KIAA1217: variants seen among roughly 807,000 people sequenced by gnomAD.
KIAA1217 encodes KIAA1217.
In KIAA1217, 88 loss-of-function variants were observed where a neutral mutation model predicts 163.9. The ratio of observed to expected loss-of-function variants is 0.54; its 90% CI spans 0.45 to 0.64. The LOEUF (loss-of-function observed/expected upper bound fraction) is 0.64. KIAA1217 is among the 30% of genes least tolerant of loss of function. The probability of loss-of-function intolerance (pLI) is 0.00; values close to 1 mark genes in which losing one functional copy is unlikely to be tolerated. For synonymous variants in KIAA1217, 903 were observed against 923.1 expected (o/e 0.98, Z 0.39); for missense variants, 2,372 against 2,475.0 (o/e 0.96, Z 0.88).
intron 2 of KIAA1217, among the ~76,000 whole-genome samples, chr10:24,317,918 A>G (rs1241069592): frequency 6.6e-6 from 1 of 152,250 alleles, no homozygotes; most frequent in Non-Finnish European, 1.5e-5. Flanking sequence ...GGTTTTATGC[A>G]TCAACGTGCG....
At chr10:24,085,593 A>G (rs889460843) in intron 2 of KIAA1217, among the ~76,000 whole-genome samples, 2 of 152,046 alleles carry the variant, frequency 1.3e-5, no homozygotes, top group Non-Finnish European at 2.9e-5. Context: ...TAGCCTGGAA[A>G]GTCTCTAGCA....
chr10:23,728,902 T>A (rs1398267840), intron 1 of KIAA1217, among the ~76,000 whole-genome samples: 6 of 152,230 alleles, frequency 3.9e-5, no homozygotes, highest in African/African-American at 1.4e-4. Flanking sequence ...CCATTTGTGG[T>A]ACCACACAGA....
chr10:24,176,723 A>G (rs2082924308), intron 2 of KIAA1217, among the ~76,000 whole-genome samples: 1 of 152,228 alleles, frequency 6.6e-6, no homozygotes, highest in Non-Finnish European at 1.5e-5. Flanking sequence ...TGTGCCGTGC[A>G]CCCACACTCC....
At chr10:24,197,204 G>A (rs11013951) in intron 2 of KIAA1217, among the ~76,000 whole-genome samples, 9,492 of 152,100 alleles carry the variant, frequency 0.062, 407 homozygotes, top group Middle Eastern at 0.088. Flanking sequence ...ATATATACAC[G>A]GTTTCAGCAT....
chr10:24,519,291 G>A (rs572122300), intron 10 of KIAA1217, among the ~76,000 whole-genome samples: 1 of 152,160 alleles, frequency 6.6e-6, no homozygotes, highest in East Asian at 1.9e-4. Flanking sequence ...TGTGGCCAAG[G>A]AGGTGGTTGT....
intron 1 of KIAA1217, among the ~76,000 whole-genome samples, chr10:23,952,522 G>A (rs1844385403): frequency 6.6e-6 from 1 of 152,116 alleles, no homozygotes; most frequent in South Asian, 2.1e-4. Context: ...ATGCTCAAGG[G>A]TTTTTCTATC....
At chr10:24,402,911 A>G (rs1257522451) in intron 3 of KIAA1217, among the ~76,000 whole-genome samples, 1 of 152,220 alleles carries the variant, frequency 6.6e-6, no homozygotes, top group East Asian at 1.9e-4. Context: ...TGGGAGGATC[A>G]CTTGAGGTCA....
chr10:24,381,611 C>T (rs866253490), intron 3 of KIAA1217, among the ~76,000 whole-genome samples: 1 of 152,188 alleles, frequency 6.6e-6, no homozygotes, highest in Non-Finnish European at 1.5e-5. Flanking sequence ...AGTTTCATTC[C>T]GAAACCATCT....
At chr10:23,933,914 A>G (rs1843361718) in intron 1 of KIAA1217, among the ~76,000 whole-genome samples, 1 of 152,222 alleles carries the variant, frequency 6.6e-6, no homozygotes, top group Non-Finnish European at 1.5e-5. Context: ...CTGTGGAGAA[A>G]AAGAAACACT....
intron 2 of KIAA1217, among the ~76,000 whole-genome samples, chr10:24,263,861 T>G (rs886172384): frequency 9.2e-5 from 14 of 152,132 alleles, no homozygotes; most frequent in Non-Finnish European, 1.8e-4. Context: ...ATTCTATCTT[T>G]TTTATTTTTT....
intron 2 of KIAA1217, among the ~76,000 whole-genome samples, chr10:24,350,699 C>A (rs886740149): frequency 1.3e-5 from 2 of 152,024 alleles, no homozygotes; most frequent in African/African-American, 2.4e-5. Flanking sequence ...ACAGGATATG[C>A]CTTTCCTCTG....
At position 24,438,461 on chromosome 10, in the gene KIAA1217, T is replaced by A; in HGVS notation, c.828T>A (p.Thr276=). 1 of 1,610,122 alleles carries A rather than the reference T, an allele frequency of 6.2e-7. No individual in the cohort carries two copies. The highest frequency in any genetic ancestry group is 1.1e-5 in the South Asian group (1 of 91,004). Residue 276 remains threonine (T), a synonymous_variant, in exon 5 of 21, where the codon ACT becomes ACA. Transcript: ENST00000376454. ...ATGCGTTTAATCACACACCAAAAAC[T>A]ATGAATGGAGACATGAGGGTAAGTG... ...PAHAFNHTPK[T]MNGDMRMQRE... is the part of the protein sequence containing the mutation.
chr10:23,708,486 T>C (rs1274584469), intron 1 of KIAA1217, among the ~76,000 whole-genome samples: 1 of 152,164 alleles, frequency 6.6e-6, no homozygotes, highest in Non-Finnish European at 1.5e-5. Flanking sequence ...AGAGGGAGCC[T>C]CAGCTTCCTG....
rs764426895 is a variant in KIAA1217, at chr10:24,544,400, C to A, written c.5130C>A (p.Ala1710=). The A allele has an allele frequency of 6.2e-7, 1 of 1,614,108 alleles. No individual in the cohort carries two copies. The highest frequency in any genetic ancestry group is 1.1e-5 in the South Asian group (1 of 91,072). ...GTTCATCCCACATAGCCCAAGAGGC[C>A]TCTCCCCGACCCTTGCTAGTTCCGG... is the stretch of plus-strand genomic sequence containing the variant. The part of the protein sequence containing the change: ...VASSSHIAQE[A]SPRPLLVPDE... The change falls in exon 19 of 21, where the codon GCC becomes GCA. Residue 1710 remains alanine, a synonymous_variant. Coordinates refer to ENST00000376454, the MANE Select transcript of KIAA1217 (RefSeq NM_019590.5).
intron 2 of KIAA1217, among the ~76,000 whole-genome samples, chr10:24,175,152 G>T (rs890207100): frequency 6.6e-6 from 1 of 152,036 alleles, no homozygotes; most frequent in South Asian, 2.1e-4. Flanking sequence ...GTGAGCCACC[G>T]CACCCAGCCC....
intron 1 of KIAA1217, among the ~76,000 whole-genome samples, chr10:23,709,828 G>A (rs1837134193): frequency 6.6e-6 from 1 of 152,206 alleles, no homozygotes; most frequent in South Asian, 2.1e-4. Context: ...GTCACAGGCA[G>A]TTGGGGCCCA....
intron 9 of KIAA1217, among the ~76,000 whole-genome samples, chr10:24,510,668 GTGGGAT>G (rs2068981521): frequency 6.6e-6 from 1 of 152,096 alleles, no homozygotes; most frequent in African/African-American, 2.4e-5. Context: ...CAGGAGCTCT[GTGGGAT>G]TGGACACAGG....
intron 1 of KIAA1217, among the ~76,000 whole-genome samples, chr10:23,743,499 T>C (rs1839232169): frequency 6.6e-6 from 1 of 152,222 alleles, no homozygotes; most frequent in Admixed American, 6.5e-5. Flanking sequence ...CTGGAATGAA[T>C]TGATGGCTGC....
At chr10:23,937,095 G>A (rs1843563499) in intron 1 of KIAA1217, among the ~76,000 whole-genome samples, 2 of 152,026 alleles carry the variant, frequency 1.3e-5, no homozygotes, top group Admixed American at 6.5e-5. Flanking sequence ...GGCTGGTCTC[G>A]AACTCCTGAC....
Sources: gnomAD v4.1 joint callset for allele counts (sites outside exome capture counted in the v4.1 genomes callset) on GRCh38, gnomAD v4.1.1 for gene constraint, MANE v1.5 for transcripts, NCBI Gene and HGNC (gene_info 2026-07-23, HGNC 2026-07-21) for gene names.